RTF2: variants seen among roughly 807,000 people sequenced by gnomAD.
RTF2 encodes UPF0549 protein C20orf43.
Under a neutral mutation model 38.0 loss-of-function variants are expected in RTF2, and 18 were observed. The observed-to-expected ratio is 0.47, with a 90% CI of 0.33 to 0.70. RTF2 has a LOEUF of 0.70. RTF2 is among the 30% of genes least tolerant of loss of function. The pLI is 0.02. For synonymous variants in RTF2, 126 were observed against 137.1 expected, an observed-to-expected ratio of 0.92 and a Z score of 0.57; for missense variants, 311 against 379.6, an observed-to-expected ratio of 0.82 and a Z score of 1.50.
chr20:56,476,277 C>T (rs371386979), intron 3 of RTF2, among the ~76,000 whole-genome samples: 48 of 151,978 alleles, frequency 3.2e-4, no homozygotes, highest in South Asian at 1.5e-3. Context: ...CTTTTTTCAA[C>T]GATTAAATAA....
intron 5 of RTF2, chr20:56,496,595 TG>T (rs1983554491): frequency 1.4e-6 from 2 of 1,455,450 alleles, no homozygotes; most frequent in Non-Finnish European, 9.1e-7. Flanking sequence ...CTGCTGCTGT[TG>T]CTGCTGACTG....
intron 4 of RTF2, among the ~76,000 whole-genome samples, 183 bp downstream of exon 4, chr20:56,477,307 G>T (rs909446982): frequency 6.6e-6 from 1 of 152,126 alleles, no homozygotes; most frequent in African/African-American, 2.4e-5. Context: ...CATTGCTACG[G>T]GACTTCCAGC....
rs145241580 is a variant in RTF2, at chr20:56,487,477, G to A, written c.477+3288G>A. On this transcript the variant is annotated intron_variant, in intron 5 of 8. Coordinates refer to ENST00000357348, the MANE Select transcript of RTF2 (RefSeq NM_016407.5). ...CCCGGCTCCTCGTGGAGGCCACCTT[G>A]GCTGTTGCGACTTTCTGCAGTTATG... Among the ~76,000 whole-genome samples the A allele has an allele frequency of 2.9e-3, 441 of 152,336 alleles. 5 individuals are homozygous for A. Among genetic ancestry groups the A allele is most frequent in the African/African-American group, 8.4e-3 (351 of 41,570 alleles).
chr20:56,499,942 G>A (rs1983820248), intron 5 of RTF2, among the ~76,000 whole-genome samples: 2 of 151,908 alleles, frequency 1.3e-5, no homozygotes, highest in Non-Finnish European at 2.9e-5. Context: ...CACCATGTTG[G>A]CCAGGCTGGT....
chr20:56,476,742 G>A lies in RTF2; in HGVS notation c.259-243G>A, dbSNP rs1404921343. Reference sequence around the variant, plus strand: ...TTGAACTCCTGACCTCAGGTGATCCGCCTGCCTCGGCCTCCCAAAGTGCTG... The same window carrying A: ...TTGAACTCCTGACCTCAGGTGATCCACCTGCCTCGGCCTCCCAAAGTGCTG... On this transcript the variant is annotated intron_variant, in intron 3 of 8. Transcript: ENST00000357348. Among the ~76,000 whole-genome samples the A allele has an allele frequency of 9.9e-5, 15 of 151,926 alleles. 1 individual carries two copies. The highest frequency in any genetic ancestry group is 8.5e-4 in the Admixed American group (13 of 15,246).
At position 56,478,711 on chromosome 20, in the gene RTF2, G is replaced by A. The variant is rs558779235; in HGVS notation, c.398+1587G>A. Among the ~76,000 whole-genome samples the A allele has an allele frequency of 3.6e-4, 55 of 152,244 alleles. 1 individual carries two copies. In the South Asian group the frequency reaches 0.011, roughly 29 times the overall value. On this transcript the variant is annotated intron_variant, in intron 4 of 8. Coordinates refer to ENST00000357348, the MANE Select transcript of RTF2 (RefSeq NM_016407.5). ...TCAGGATGGTGGTTGCTGAAGGTTC[G>A]GGTGGCTGTAGCAGTGTATTACAGT...
intron 5 of RTF2, among the ~76,000 whole-genome samples, chr20:56,510,000 AC>A (rs1477753174): frequency 1.2e-4 from 18 of 151,974 alleles, no homozygotes; most frequent in Admixed American, 7.9e-4. Context: ...AAAAAAAAAA[AC>A]ATGTATATTG....
At chr20:56,511,230 G>A (rs1034089307) in intron 5 of RTF2, among the ~76,000 whole-genome samples, 6 of 152,026 alleles carry the variant, frequency 3.9e-5, no homozygotes, top group African/African-American at 1.2e-4. Context: ...CTTAGGAACC[G>A]GGCCACACAG....
rs1412619324 is a variant in RTF2 at position 56,472,430 on chromosome 20, C to T, written c.70-871C>T. ...TGGAATATGATGTATGTGAAAATGT[C>T]ATTCGAGGGCCAGGGAGGGTCTTAT... On this transcript the variant is annotated intron_variant, in intron 1 of 8. Transcript: ENST00000357348. The T allele has an allele frequency of 4.1e-6, 6 of 1,448,532 alleles. No individual in the cohort carries two copies. The South Asian group carries it at 7.3e-5, about 18-fold the overall frequency. The allele number at this position is 1,448,532 out of a possible 1,614,324, so 89.7% of individuals were successfully genotyped here. A position where few individuals can be genotyped will look rare whatever the true frequency, so the allele number is the denominator to read the frequency against.
chr20:56,486,521 C>T (rs561712156), intron 5 of RTF2, among the ~76,000 whole-genome samples: 91 of 152,108 alleles, frequency 6.0e-4, no homozygotes, highest in African/African-American at 1.8e-3. Context: ...TGGTGGCACG[C>T]GCCTGTAATC....
intron 5 of RTF2, among the ~76,000 whole-genome samples, chr20:56,500,471 C>T (rs990580181): frequency 3.0e-4 from 46 of 152,292 alleles, no homozygotes; most frequent in African/African-American, 1.0e-3. Context: ...GCGCCGAGCC[C>T]AGGAGATTGG....
At chr20:56,472,304 G>T (rs1481308652) in intron 1 of RTF2, 1 of 1,284,668 alleles carries the variant, frequency 7.8e-7, no homozygotes, top group Non-Finnish European at 1.1e-6. Flanking sequence ...TTCCAAATGT[G>T]CTGTCCTGTT....
chr20:56,475,218 A>G (rs1248233678), intron 3 of RTF2, among the ~76,000 whole-genome samples: 1 of 152,182 alleles, frequency 6.6e-6, no homozygotes, highest in Non-Finnish European at 1.5e-5. Flanking sequence ...TAATAAGGGA[A>G]ATTTCTTGAG....
At chr20:56,498,229 A>G (rs1983687289) in intron 5 of RTF2, among the ~76,000 whole-genome samples, 1 of 152,226 alleles carries the variant, frequency 6.6e-6, no homozygotes, top group South Asian at 2.1e-4. Context: ...CAACAGAAGA[A>G]GTGACAAATT....
rs1184983349 is a variant in RTF2, at chr20:56,477,115, G to T, written c.389G>T (p.Gly130Val). The change falls in exon 4 of 9, where the codon GGC (glycine) becomes GTC (valine). Residue 130 changes from glycine to valine, a missense_variant. Transcript: ENST00000357348. ...CCCGTTGTGGGCCTGGAGATGAACGGCCGACACAGGTTAGTGACGGACCTG... is the reference window on the plus strand; with the variant it reads ...CCCGTTGTGGGCCTGGAGATGAACGTCCGACACAGGTTAGTGACGGACCTG... Reference protein sequence around the residue: ...ICPVVGLEMNGRHRFCFLRCC... With the variant: ...ICPVVGLEMNVRHRFCFLRCC... 2 of 1,613,566 alleles carry T rather than the reference G, an allele frequency of 1.2e-6. No homozygotes were observed. The highest frequency in any genetic ancestry group is 1.7e-6 in the Non-Finnish European group (2 of 1,179,846).
At chr20:56,485,551 C>T (rs138935498) in intron 5 of RTF2, among the ~76,000 whole-genome samples, 6 of 152,192 alleles carry the variant, frequency 3.9e-5, no homozygotes, top group Admixed American at 3.9e-4. Flanking sequence ...GGGTGGCTCC[C>T]GTTACCTAGG....
chr20:56,488,161 G>A (rs1455437139), intron 5 of RTF2, among the ~76,000 whole-genome samples: 1 of 152,110 alleles, frequency 6.6e-6, no homozygotes, highest in African/African-American at 2.4e-5. Context: ...AGGAGTTCGA[G>A]AACAGCCTGG....
chr20:56,495,426 T>C (rs1030915482), intron 5 of RTF2: 1 of 723,376 alleles, frequency 1.4e-6, no homozygotes, highest in Non-Finnish European at 2.4e-6. Flanking sequence ...GAGGGGAAAG[T>C]CCAACCTTCC....
rs1411420067 is a variant in RTF2, at chr20:56,474,662, A to G, written c.165-16A>G. The G allele has an allele frequency of 2.6e-6, 4 of 1,542,044 alleles. No individual in the cohort carries two copies. Among genetic ancestry groups the G allele is most frequent in the South Asian group, 1.2e-5 (1 of 86,334 alleles). On this transcript the variant is annotated splice_polypyrimidine_tract_variant and intron_variant, in intron 2 of 8. Transcript: ENST00000357348. ...AGTCGCTTGTTGACATAATATTCTA[A>G]TACTTACTATTGCAGACTTTATAAC...
Sources: allele counts gnomAD v4.1 joint callset (sites outside exome capture counted in the v4.1 genomes callset), GRCh38; gene constraint gnomAD v4.1.1; transcripts MANE v1.5; gene names NCBI Gene and HGNC (gene_info 2026-07-23, HGNC 2026-07-21).